Variants in HSH2D observed in about 807,000 individuals in gnomAD.
HSH2D encodes the protein hematopoietic SH2 domain-containing protein.
In HSH2D, 16 loss-of-function variants were observed where a neutral mutation model predicts 21.5. The observed-to-expected ratio is 0.74, with a 90% CI of 0.50 to 1.13. The LOEUF is 1.13. Among genes scored for constraint, HSH2D ranks in the 50% most tolerant of loss-of-function variants. HSH2D has a pLI of 0.00. For synonymous variants in HSH2D, 172 were observed against 184.7 expected (o/e 0.93, Z 0.56); for missense variants, 418 against 441.4 (o/e 0.95, Z 0.47).
At chr19:16,151,883 A>T (rs1291773878) in intron 2 of HSH2D, among the ~76,000 whole-genome samples, 1 of 148,198 alleles carries the variant, frequency 6.7e-6, no homozygotes, top group East Asian at 2.0e-4. Context: ...AGGCAGGCGG[A>T]TCACTTGAGG....
rs978185349 is a variant in HSH2D at position 16,148,838 on chromosome 19, G to A, written c.88G>A (p.Gly30Arg). ...HTQMGQLAQD[G>R]VPEWFHGAIS... ...CCAGATGGGCCAGCTGGCCCAAGAC[G>A]GGGTCCCCGAGTGGTTCCATGGTGC... is the stretch of plus-strand genomic sequence containing the variant. Residue 30 changes from glycine (G) to arginine (R), a missense_variant, in exon 2 of 6, where the codon GGG becomes AGG. Transcript: ENST00000613986. The A allele has an allele frequency of 3.1e-6, 5 of 1,613,686 alleles. No homozygotes were observed. Among genetic ancestry groups the A allele is most frequent in the South Asian group, 2.2e-5 (2 of 91,024 alleles).
At chr19:16,152,118 A>G (rs1029015189) in intron 2 of HSH2D, among the ~76,000 whole-genome samples, 6 of 137,428 alleles carry the variant, frequency 4.4e-5, no homozygotes, top group African/African-American at 1.6e-4. Context: ...CAAAAAAAAA[A>G]AAAAAAAGGA....
At chr19:16,151,855 C>G (rs2091156860) in intron 2 of HSH2D, among the ~76,000 whole-genome samples, 1 of 150,492 alleles carries the variant, frequency 6.6e-6, no homozygotes, top group African/African-American at 2.4e-5. Context: ...CCTGTAATCC[C>G]AGCACTTTGG....
At chr19:16,151,219 G>A (rs2145045754) in intron 2 of HSH2D, among the ~76,000 whole-genome samples, 1 of 151,764 alleles carries the variant, frequency 6.6e-6, no homozygotes, top group South Asian at 2.1e-4. Flanking sequence ...CAGTTACTTG[G>A]GAGGCTGAGG....
At chr19:16,155,291 A>G (rs1254607413) in intron 5 of HSH2D, among the ~76,000 whole-genome samples, 1 of 152,078 alleles carries the variant, frequency 6.6e-6, no homozygotes, top group Non-Finnish European at 1.5e-5. Context: ...GGGGGAAGGC[A>G]GTCAGGGAAG....
At chr19:16,137,603 G>A (rs945825727) in intron 1 of HSH2D, among the ~76,000 whole-genome samples, 1 of 150,382 alleles carries the variant, frequency 6.6e-6, no homozygotes, top group East Asian at 2.0e-4. Context: ...AAAAAAAGAA[G>A]CAGGGTCTTG....
chr19:16,150,656 A>C (rs2091135595), intron 2 of HSH2D, among the ~76,000 whole-genome samples: 1 of 150,920 alleles, frequency 6.6e-6, no homozygotes, highest in South Asian at 2.1e-4. Flanking sequence ...ACTGCACTCC[A>C]GCCTGGGTGA....
intron 2 of HSH2D, among the ~76,000 whole-genome samples, chr19:16,150,431 C>T (rs947530389): frequency 5.9e-5 from 9 of 151,526 alleles, no homozygotes; most frequent in African/African-American, 2.2e-4. Context: ...CCCAGCTACT[C>T]GAGAGGCTGA....
At chr19:16,151,257 A>G (rs2091145193) in intron 2 of HSH2D, among the ~76,000 whole-genome samples, 1 of 150,032 alleles carries the variant, frequency 6.7e-6, no homozygotes, top group African/African-American at 2.4e-5. Context: ...CCTGGGAGGC[A>G]GAGGTTGCAG....
rs373698635 is a variant in HSH2D, at chr19:16,157,738, G to T, written c.1003G>T (p.Asp335Tyr). The T allele has an allele frequency of 2.5e-6, 4 of 1,612,556 alleles. No homozygotes were observed. Among genetic ancestry groups the T allele is most frequent in the East Asian group, 4.5e-5 (2 of 44,864 alleles). Residue 335 changes from aspartate (D) to tyrosine (Y), a missense_variant, in exon 6 of 6, where the codon GAC becomes TAC. Transcript: ENST00000613986. The surrounding 1 kb of genome is among the most constrained non-coding windows in gnomAD (Gnocchi z 4.4). ...CCAGGGCTTGGCAGAGCCTGAGAAC[G>T]ACCAGCTCCCGGAGGAGTACCAACA... ...EHQGLAEPEN[D>Y]QLPEEYQQPP...
chr19:16,146,912 G>GC (rs1482558506), intron 1 of HSH2D, among the ~76,000 whole-genome samples: 2 of 149,744 alleles, frequency 1.3e-5, no homozygotes, highest in African/African-American at 4.9e-5. Context: ...TGCAACCTCT[G>GC]CCTCCTGAGT....
upstream of HSH2D, among the ~76,000 whole-genome samples, chr19:16,139,259 C>T (rs531644802): frequency 1.6e-4 from 24 of 152,320 alleles, no homozygotes; most frequent in Non-Finnish European, 1.5e-4. Flanking sequence ...AGAATGAAGG[C>T]ATTGTAGGAA....
Position 16,157,803 on chromosome 19 carries a change from T to A in HSH2D, c.*9T>A. On this transcript the variant is annotated 3_prime_UTR_variant, in exon 6 of 6. Coordinates refer to ENST00000613986, the MANE Select transcript of HSH2D (RefSeq NM_001382417.1). The surrounding 1 kb of genome is among the most constrained non-coding windows in gnomAD (Gnocchi z 4.4). ...CCCCTGGGTACTGCTAGAGAACAGG[T>A]CCACCCTGGCTCTGGGACTCGCTGC... 1 of 1,567,012 alleles carries A rather than the reference T, an allele frequency of 6.4e-7. No homozygotes were observed. The highest frequency in any genetic ancestry group is 8.6e-7 in the Non-Finnish European group (1 of 1,161,562).
At chr19:16,152,093 G>A (rs1293519735) in intron 2 of HSH2D, among the ~76,000 whole-genome samples, 1 of 122,256 alleles carries the variant, frequency 8.2e-6, no homozygotes, top group Non-Finnish European at 1.6e-5. Context: ...GAGACAGAGC[G>A]AGACTCTGTC....
At chr19:16,150,339 A>G (rs2091131233) in intron 2 of HSH2D, among the ~76,000 whole-genome samples, 1 of 152,170 alleles carries the variant, frequency 6.6e-6, no homozygotes, top group Non-Finnish European at 1.5e-5. Flanking sequence ...CAGGAGTTTG[A>G]GACCAGCCTG....
At chr19:16,143,680 G>A (rs951057797), upstream of HSH2D, 18 of 437,224 alleles carry the variant, frequency 4.1e-5, 1 homozygote, top group Middle Eastern at 6.7e-4. Flanking sequence ...AGCCAGCCCC[G>A]CCCCATTGAC....
At chr19:16,151,363 GTAA>G (rs2091147581) in intron 2 of HSH2D, 1 of 297,734 alleles carries the variant, frequency 3.4e-6, no homozygotes, top group South Asian at 2.6e-5. Context: ...GAGAATAATA[GTAA>G]TAATAACAGC....
upstream of HSH2D, among the ~76,000 whole-genome samples, chr19:16,140,708 A>G (rs115543572): frequency 0.09 from 13,720 of 152,104 alleles, 730 homozygotes; most frequent in Non-Finnish European, 0.12. Context: ...GCAACATGAC[A>G]AAACCCCATC....
At position 16,153,196 on chromosome 19, in the gene HSH2D, G is replaced by A; in HGVS notation, c.369G>A (p.Gln123=). ...PIEPRRELLT[Q]PCRQKDPANV... ...AGCCGCGCAGGGAGCTGCTGACACA[G>A]CCCTGCAGGCAGGTGAGGGCGGGGA... is the stretch of plus-strand genomic sequence containing the variant. Residue 123 remains glutamine (Q), a synonymous_variant, in exon 4 of 6, where the codon CAG becomes CAA. Coordinates refer to ENST00000613986, the MANE Select transcript of HSH2D (RefSeq NM_001382417.1). 5 of 1,544,514 alleles carry A rather than the reference G, an allele frequency of 3.2e-6. No homozygotes were observed. Among genetic ancestry groups the A allele is most frequent in the Non-Finnish European group, 4.4e-6 (5 of 1,146,166 alleles).
Sources: allele counts gnomAD v4.1 joint callset (sites outside exome capture counted in the v4.1 genomes callset), GRCh38; gene constraint gnomAD v4.1.1; non-coding constraint Gnocchi (gnomAD v3.1); transcripts MANE v1.5; gene names NCBI Gene and HGNC (gene_info 2026-07-23, HGNC 2026-07-21).